PTCHD1: variants seen among roughly 807,000 people sequenced by gnomAD.
PTCHD1 encodes patched domain-containing protein 1.
A neutral mutation model predicts 34.6 loss-of-function variants in PTCHD1; 3 were observed. The ratio of observed to expected loss-of-function variants is 0.09; its 90% CI spans 0.04 to 0.22. The LOEUF (loss-of-function observed/expected upper bound fraction) is 0.22. Among genes scored for constraint, PTCHD1 ranks in the 10% least tolerant of loss-of-function variants. The probability of loss-of-function intolerance (pLI) is 1.00; values close to 1 mark genes in which losing one functional copy is unlikely to be tolerated. For missense variants in PTCHD1, 504 were observed against 685.5 expected, an observed-to-expected ratio of 0.74 and a Z score of 2.96; for synonymous variants, 305 against 283.1, an observed-to-expected ratio of 1.08 and a Z score of -0.77.
chrX:23,387,388 T>A (rs1342526132), intron 2 of PTCHD1, among the ~76,000 whole-genome samples: 4 of 111,273 alleles, frequency 3.6e-5, no homozygotes, highest in Non-Finnish European at 7.5e-5. Context: ...ATTAGCCAGT[T>A]GAATTTTTTT....
intron 2 of PTCHD1, among the ~76,000 whole-genome samples, chrX:23,389,586 G>T (rs1214191332): frequency 8.9e-6 from 1 of 112,025 alleles, no homozygotes; most frequent in Non-Finnish European, 1.9e-5. Context: ...GACCTATCAG[G>T]AATGGTGGTC....
intron 1 of PTCHD1, among the ~76,000 whole-genome samples, chrX:23,355,167 G>A (rs1463952622): frequency 9.0e-6 from 1 of 110,718 alleles, no homozygotes; most frequent in African/African-American, 3.3e-5. Flanking sequence ...AATAGACCCC[G>A]AGATTCCACG....
At chrX:23,353,543 C>G (rs911313559) in intron 1 of PTCHD1, among the ~76,000 whole-genome samples, 3 of 111,346 alleles carry the variant, frequency 2.7e-5, no homozygotes, top group African/African-American at 6.5e-5. Context: ...GAGCGGAGAT[C>G]GCGCCACTGC....
At chrX:23,364,375 CA>C (rs1230969127) in intron 1 of PTCHD1, among the ~76,000 whole-genome samples, 134 of 47,005 alleles carry the variant, frequency 2.9e-3, no homozygotes, top group African/African-American at 0.011. Context: ...AGTGTAGACA[CA>C]CACACACACA....
intron 1 of PTCHD1, among the ~76,000 whole-genome samples, chrX:23,369,359 A>T (rs1922223155): frequency 8.9e-6 from 1 of 111,815 alleles, no homozygotes; most frequent in Non-Finnish European, 1.9e-5. Context: ...ACCACGTTTA[A>T]GCCTAATACC....
At chrX:23,382,863 G>C (rs912185041) in intron 2 of PTCHD1, among the ~76,000 whole-genome samples, 1 of 112,489 alleles carries the variant, frequency 8.9e-6, no homozygotes, top group Non-Finnish European at 1.9e-5. Context: ...TAAACACTTT[G>C]CACGATGTAA....
chrX:23,369,296 T>C (rs931665012), intron 1 of PTCHD1, among the ~76,000 whole-genome samples: 1 of 111,630 alleles, frequency 9.0e-6, no homozygotes, highest in African/African-American at 3.3e-5. Context: ...GACTGCTTTG[T>C]CATGTTTGAC....
chrX:23,351,076 G>A (rs1271192075), intron 1 of PTCHD1: 3 of 447,217 alleles, frequency 6.7e-6, no homozygotes, highest in Non-Finnish European at 1.2e-5. Context: ...CCTATGATTT[G>A]TCATGAATGG....
intron 1 of PTCHD1, among the ~76,000 whole-genome samples, chrX:23,364,466 G>A (rs1195191736): frequency 1.8e-5 from 2 of 108,111 alleles, no homozygotes; most frequent in African/African-American, 6.8e-5. Flanking sequence ...TACCATCCCA[G>A]CAGTACAGAA....
chrX:23,338,017 T>C (rs1006830916), intron 1 of PTCHD1, among the ~76,000 whole-genome samples: 5 of 111,922 alleles, frequency 4.5e-5, no homozygotes, highest in Non-Finnish European at 9.4e-5. Context: ...GAAAAATATC[T>C]GTATTTCAAA....
chrX:23,392,667 G>A lies in PTCHD1; in HGVS notation c.1149G>A (p.Leu383=), dbSNP rs1377076402. Residue 383 remains leucine, a synonymous_variant, in exon 3 of 3, where the codon CTG becomes CTA. Transcript: ENST00000379361. ...TTTCTCTCACCACTGCCATGTACCT[G>A]GTCACCTTTGGCATAGGGGCCAGCC... is the stretch of plus-strand genomic sequence containing the variant. ...LSFSLTTAMY[L]VTFGIGASPF... 1 of 1,211,683 alleles carries A rather than the reference G, an allele frequency of 8.3e-7. No homozygotes were observed. Among genetic ancestry groups the A allele is most frequent in the African/African-American group, 1.7e-5 (1 of 57,881 alleles).
intron 1 of PTCHD1, among the ~76,000 whole-genome samples, chrX:23,335,694 G>C (rs995025968): frequency 2.7e-5 from 3 of 111,470 alleles, no homozygotes; most frequent in African/African-American, 9.8e-5. Context: ...CTGGCCCCCC[G>C]GAGTGTTTGG....
chrX:23,375,027 T>A (rs1462095144), intron 1 of PTCHD1, among the ~76,000 whole-genome samples: 2 of 112,067 alleles, frequency 1.8e-5, no homozygotes, highest in African/African-American at 3.2e-5. Flanking sequence ...GGACCTTTTT[T>A]CTTAGGAAGC....
In PTCHD1 at chrX:23,379,597, G is replaced by A. The variant is rs753933935; in HGVS notation, c.358G>A (p.Ala120Thr). ...HHTDLILKLHAAVTKIQVPRP... is the reference protein window; with the variant it reads ...HHTDLILKLHTAVTKIQVPRP... Reference sequence around the variant, plus strand: ...TCATTTTTTTCCCCCACAGTTGCATGCTGCTGTCACCAAGATCCAGGTTCC... The same window carrying A: ...TCATTTTTTTCCCCCACAGTTGCATACTGCTGTCACCAAGATCCAGGTTCC... Residue 120 changes from alanine (A) to threonine (T), a missense_variant, in exon 2 of 3, where the codon GCT becomes ACT. Physicochemically the swap from Ala to Thr is moderately conservative, Grantham distance 58. Coordinates refer to ENST00000379361, the MANE Select transcript of PTCHD1 (RefSeq NM_173495.3). The A allele has an allele frequency of 1.2e-5, 14 of 1,211,450 alleles. No homozygotes were observed. Among genetic ancestry groups the A allele is most frequent in the Non-Finnish European group, 1.6e-5 (14 of 895,232 alleles).
intron 2 of PTCHD1, among the ~76,000 whole-genome samples, chrX:23,390,034 G>T (rs1181783713): frequency 9.0e-6 from 1 of 111,575 alleles, no homozygotes; most frequent in Non-Finnish European, 1.9e-5. Flanking sequence ...CAACAGCAAG[G>T]TATGAAATTG....
At chrX:23,344,059 G>A (rs12859195) in intron 1 of PTCHD1, among the ~76,000 whole-genome samples, 13,593 of 111,663 alleles carry the variant, frequency 0.12, 1,161 homozygotes, top group East Asian at 0.51. Context: ...TGATTCAAAG[G>A]GTCTGGGGTG....
intron 1 of PTCHD1, among the ~76,000 whole-genome samples, chrX:23,353,515 G>A (rs1011459845): frequency 1.8e-5 from 2 of 112,496 alleles, no homozygotes; most frequent in African/African-American, 3.2e-5. Context: ...CTTGAACTCA[G>A]GAGGCGGAGG....
chrX:23,390,354 AC>A (rs927342998), intron 2 of PTCHD1, among the ~76,000 whole-genome samples: 5 of 110,628 alleles, frequency 4.5e-5, no homozygotes, highest in Non-Finnish European at 3.8e-5. Context: ...AACAAAAAAA[AC>A]AATATTATTT....
chrX:23,355,346 CTCTT>C (rs1402168031), intron 1 of PTCHD1, among the ~76,000 whole-genome samples: 1 of 112,584 alleles, frequency 8.9e-6, no homozygotes, highest in African/African-American at 3.2e-5. Context: ...ATTGGGGTCT[CTCTT>C]TATAAAATTG....
Sources: gnomAD v4.1 joint callset for allele counts (sites outside exome capture counted in the v4.1 genomes callset) on GRCh38, gnomAD v4.1.1 for gene constraint, MANE v1.5 for transcripts, NCBI Gene and HGNC (gene_info 2026-07-23, HGNC 2026-07-21) for gene names.